CD59: variants seen among roughly 807,000 people sequenced by gnomAD.
CD59 encodes CD59 molecule (CD59 blood group), also known as CD59 glycoprotein.
Under a neutral mutation model 7.0 loss-of-function variants are expected in CD59, and 3 were observed. That is an observed-to-expected ratio of 0.43 (90% CI 0.19 to 1.10). The LOEUF (loss-of-function observed/expected upper bound fraction) is 1.10. Among genes scored for constraint, CD59 ranks in the 50% least tolerant of loss-of-function variants. The pLI is 0.29. For missense variants in CD59, 143 were observed against 151.0 expected (o/e 0.95, Z 0.28); for synonymous variants, 60 against 62.0 (o/e 0.97, Z 0.15).
rs1853235451 is a variant in CD59 at position 33,704,618 on chromosome 11, C to T, written c.*5508G>A. The T allele has an allele frequency of 6.6e-6, 1 of 152,162 alleles. No individual in the cohort carries two copies. The highest frequency in any genetic ancestry group is 2.1e-4 in the South Asian group (1 of 4,824). The allele number at this position is 152,162 out of a possible 1,614,324, so 9.4% of individuals were successfully genotyped here. Reference sequence around the variant, plus strand: ...TTCTAACAACCCTAAACCTAGGGTTCTCATTTTCCAGATGAGAAAACTGAG... The same window carrying T: ...TTCTAACAACCCTAAACCTAGGGTTTTCATTTTCCAGATGAGAAAACTGAG... On this transcript the variant is annotated 3_prime_UTR_variant, in exon 4 of 4. Coordinates refer to ENST00000642928, the MANE Select transcript of CD59 (RefSeq NM_000611.6).
rs58634493 is a variant in CD59, at chr11:33,704,210, ACTCT to A, written c.*5912_*5915del. The A allele has an allele frequency of 0.044, 6,651 of 151,970 alleles. 301 individuals carry two copies. Among genetic ancestry groups the A allele is most frequent in the African/African-American group, 0.12 (4,784 of 41,424 alleles). The allele number at this position is 151,970 out of a possible 1,614,324, so 9.4% of individuals were successfully genotyped here. A position where few individuals can be genotyped will look rare whatever the true frequency, so the allele number is the denominator to read the frequency against. ...TACAAGAGTTGTGCCTGAATCTGGG[ACTCT>A]CTGTGACCCTGGGAAAATCACATCA... On this transcript the variant is annotated 3_prime_UTR_variant, in exon 4 of 4. Transcript: ENST00000642928.
In CD59 at chr11:33,709,541, G is replaced by A. The variant is rs116176729; in HGVS notation, c.*585C>T. ...GGAAAAACTCGATTTTCAGCCACTT[G>A]TACCTCTCTAAGTTTTCATGCCCTG... is the stretch of plus-strand genomic sequence containing the variant. On this transcript the variant is annotated 3_prime_UTR_variant, in exon 4 of 4. Transcript: ENST00000642928. 655 of 162,754 alleles carry A rather than the reference G, an allele frequency of 4.0e-3. 6 individuals carry two copies. Among genetic ancestry groups the A allele is most frequent in the African/African-American group, 0.015 (624 of 41,638 alleles). The allele number at this position is 162,754 out of a possible 1,614,324, so 10.1% of individuals were successfully genotyped here.
At chr11:33,728,271 T>C (rs927501017) in intron 1 of CD59, among the ~76,000 whole-genome samples, 13 of 152,136 alleles carry the variant, frequency 8.5e-5, no homozygotes, top group African/African-American at 2.9e-4. Context: ...CTTCAAACTA[T>C]ACTACAAGGC....
chr11:33,734,410 C>T (rs3181269), intron 1 of CD59, among the ~76,000 whole-genome samples: 24,973 of 152,164 alleles, frequency 0.16, 2,666 homozygotes, highest in Non-Finnish European at 0.24. Context: ...ACCTATCAAC[C>T]CATCACCTAG....
Position 33,710,270 on chromosome 11 carries a change from T to C in CD59, c.243A>G (p.Glu81=). The change falls in exon 4 of 4, where the codon GAA becomes GAG. Residue 81 remains glutamate (E), a synonymous_variant. Coordinates refer to ENST00000642928, the MANE Select transcript of CD59 (RefSeq NM_000611.6). ...TGCAGCAGTAGTACGTTAGCTCATT[T>C]TCCCTCAAGCGGGTTGTGACGTCGT... is the stretch of plus-strand genomic sequence containing the variant. The part of the protein sequence containing the change: ...NFNDVTTRLR[E]NELTYYCCKK... 3 of 1,614,226 alleles carry C rather than the reference T, an allele frequency of 1.9e-6. No homozygotes were observed. The highest frequency in any genetic ancestry group is 2.5e-6 in the Non-Finnish European group (3 of 1,180,036).
At position 33,709,700 on chromosome 11, in the gene CD59, A is replaced by C; in HGVS notation, c.*426T>G. On this transcript the variant is annotated 3_prime_UTR_variant, in exon 4 of 4. Transcript: ENST00000642928. ...TGGCAACACGGGATCCCTGAAGTTT[A>C]TGAAAGCGTTCCATGTGAGAGAGGA... 1 of 269,198 alleles carries C rather than the reference A, an allele frequency of 3.7e-6. No individual in the cohort carries two copies. The highest frequency in any genetic ancestry group is 7.2e-6 in the Non-Finnish European group (1 of 138,232). 16.7% of individuals were successfully genotyped at this position (269,198 alleles called of 1,614,324 possible). A position where few individuals can be genotyped will look rare whatever the true frequency, so the allele number is the denominator to read the frequency against.
In CD59 at chr11:33,704,446, G is replaced by T. The variant is rs60513302; in HGVS notation, c.*5680C>A. 1 of 151,904 alleles carries T rather than the reference G, an allele frequency of 6.6e-6. No homozygotes were observed. Among genetic ancestry groups the T allele is most frequent in the Non-Finnish European group, 1.5e-5 (1 of 67,988 alleles). 9.4% of individuals were successfully genotyped at this position (151,904 alleles called of 1,614,324 possible). A position where few individuals can be genotyped will look rare whatever the true frequency, so the allele number is the denominator to read the frequency against. On this transcript the variant is annotated 3_prime_UTR_variant, in exon 4 of 4. Transcript: ENST00000642928. ...GATGAATGAGGAAAATGCAGCAGGG[G>T]GTCCATCCTAGAAAACCCAACCCAC...
chr11:33,734,515 C>T (rs1352828323), intron 1 of CD59, among the ~76,000 whole-genome samples: 1 of 152,212 alleles, frequency 6.6e-6, no homozygotes, highest in African/African-American at 2.4e-5. Flanking sequence ...GTTCCCCTCC[C>T]TGTGTCCAAG....
chr11:33,713,607 C>A (rs1853658824), intron 3 of CD59, among the ~76,000 whole-genome samples: 1 of 152,168 alleles, frequency 6.6e-6, no homozygotes, highest in Admixed American at 6.5e-5. Flanking sequence ...GTGATTCAGA[C>A]AAGTTACTGC....
At chr11:33,722,991 G>A in intron 1 of CD59, 1 of 1,021,110 alleles carries the variant, frequency 9.8e-7, no homozygotes, top group South Asian at 4.0e-5. Flanking sequence ...CATGAAGAGA[G>A]GTATTGAGCA....
chr11:33,734,300 T>G (rs1854501775), intron 1 of CD59, among the ~76,000 whole-genome samples: 1 of 152,202 alleles, frequency 6.6e-6, no homozygotes, highest in Middle Eastern at 3.2e-3. Flanking sequence ...GAATAACCAC[T>G]CCAAAACTCT....
chr11:33,728,252 G>A (rs546027306), intron 1 of CD59, among the ~76,000 whole-genome samples: 204 of 152,136 alleles, frequency 1.3e-3, no homozygotes, highest in African/African-American at 4.3e-3. Flanking sequence ...GAGGCATCAC[G>A]CTACCTGACT....
At chr11:33,731,406 A>C (rs1427250448) in intron 1 of CD59, 1 of 152,188 alleles carries the variant, frequency 6.6e-6, no homozygotes, top group African/African-American at 2.4e-5. Context: ...TAAGGAATTC[A>C]CTCATCAGTA....
intron 1 of CD59, among the ~76,000 whole-genome samples, chr11:33,726,911 C>T (rs1854275988): frequency 6.6e-6 from 1 of 152,188 alleles, no homozygotes; most frequent in Non-Finnish European, 1.5e-5. Flanking sequence ...CGCAAATAAA[C>T]TAGAAAATCT....
At chr11:33,721,030 T>A (rs889144661) in intron 2 of CD59, among the ~76,000 whole-genome samples, 2 of 152,090 alleles carry the variant, frequency 1.3e-5, no homozygotes, top group African/African-American at 2.4e-5. Flanking sequence ...CTGCTGGAAG[T>A]AGGATGTCAC....
At chr11:33,711,389 T>G (rs1269717102) in intron 3 of CD59, 3 of 700,840 alleles carry the variant, frequency 4.3e-6, no homozygotes, top group Non-Finnish European at 7.8e-6. Context: ...CTAACCCAAT[T>G]AAAATATGGA....
In CD59 at chr11:33,708,913, A is replaced by C. The variant is rs1435706978; in HGVS notation, c.*1213T>G. ...AAGGGTTTTTTTTCAACATTAATCA[A>C]GAAATTCCTCCATCTGCAAAAGTCA... On this transcript the variant is annotated 3_prime_UTR_variant, in exon 4 of 4. Transcript: ENST00000642928. 2 of 152,198 alleles carry C rather than the reference A, an allele frequency of 1.3e-5. No homozygotes were observed. The highest frequency in any genetic ancestry group is 3.8e-4 in the East Asian group (2 of 5,202). 9.4% of individuals were successfully genotyped at this position (152,198 alleles called of 1,614,324 possible).
chr11:33,714,655 A>C (rs1206834151), intron 3 of CD59, among the ~76,000 whole-genome samples: 1 of 152,226 alleles, frequency 6.6e-6, no homozygotes, highest in African/African-American at 2.4e-5. Context: ...AACATGTTAT[A>C]CAGTGGCACA....
chr11:33,717,317 C>G, intron 3 of CD59, 53 bp downstream of exon 3: 1 of 1,171,046 alleles, frequency 8.5e-7, no homozygotes, highest in East Asian at 2.4e-5. Flanking sequence ...AATTTTTTTC[C>G]CAGGCACTTA....
Sources: allele counts gnomAD v4.1 joint callset (sites outside exome capture counted in the v4.1 genomes callset), GRCh38; gene constraint gnomAD v4.1.1; transcripts MANE v1.5; gene names NCBI Gene and HGNC (gene_info 2026-07-23, HGNC 2026-07-21).